The following CDK18 variants were observed in gnomAD, a reference collection of about 807,000 sequenced individuals.
CDK18 encodes cyclin-dependent kinase 18.
A neutral mutation model predicts 62.0 loss-of-function variants in CDK18; 52 were observed. The ratio of observed to expected loss-of-function variants is 0.84; its 90% CI spans 0.67 to 1.06. The LOEUF is 1.06. Among genes scored for constraint, CDK18 ranks in the 50% least tolerant of loss-of-function variants. The probability of loss-of-function intolerance (pLI) is 0.00; values close to 1 mark genes in which losing one functional copy is unlikely to be tolerated. For synonymous variants in CDK18, 237 were observed against 247.0 expected (o/e 0.96, Z 0.38); for missense variants, 604 against 619.9 (o/e 0.97, Z 0.27).
intron 1 of CDK18, among the ~76,000 whole-genome samples, chr1:205,514,223 G>A (rs1667710055): frequency 6.6e-6 from 1 of 152,228 alleles, no homozygotes; most frequent in Non-Finnish European, 1.5e-5. Flanking sequence ...TGGGGACAGT[G>A]GAGTTTCGGG....
intron 1 of CDK18, among the ~76,000 whole-genome samples, chr1:205,506,098 C>A (rs1667293551): frequency 6.6e-6 from 1 of 152,200 alleles, no homozygotes; most frequent in South Asian, 2.1e-4. Flanking sequence ...GGTGGACTGG[C>A]ACGTCCTCAG....
At position 205,525,187 on chromosome 1, in the gene CDK18, C is replaced by G; in HGVS notation, c.448C>G (p.Leu150Val). The G allele has an allele frequency of 6.2e-7, 1 of 1,610,050 alleles. No homozygotes were observed. Among genetic ancestry groups the G allele is most frequent in the East Asian group, 2.2e-5 (1 of 44,844 alleles). The change falls in exon 5 of 16, where the codon CTG becomes GTG. Residue 150 changes from leucine (L) to valine (V), a missense_variant. Coordinates refer to ENST00000429964, the MANE Select transcript of CDK18 (RefSeq NM_212502.3). ...GGAAACATACGTGAAACTGGACAAA[C>G]TGGGAGAGGTAAGACGCTGGGTTTG... ...KLETYVKLDKLGEGTYATVFK... is the reference protein window; with the variant it reads ...KLETYVKLDKVGEGTYATVFK...
intron 2 of CDK18, 60 bp downstream of exon 2, chr1:205,523,357 TCCCCTCCCCGCCCAC>T (rs1227858704): frequency 4.3e-6 from 7 of 1,609,440 alleles, no homozygotes; most frequent in Non-Finnish European, 3.4e-6. Context: ...CCAGTCACCT[TCCCCTCCCCGCCCAC>T]CCCCTCCCCA....
At chr1:205,520,571 G>A (rs767744360) in intron 1 of CDK18, among the ~76,000 whole-genome samples, 2 of 151,878 alleles carry the variant, frequency 1.3e-5, no homozygotes, top group Admixed American at 6.6e-5. Context: ...GTGGTGGCGC[G>A]GGCCTGTAAT....
rs147619411 is a variant in CDK18 at position 205,525,147 on chromosome 1, T to A, written c.408T>A (p.Ile136=). 2.5e-6 allele frequency: 4 copies of A among 1,607,946 alleles called. No homozygotes were observed. Among genetic ancestry groups the A allele is most frequent in the Non-Finnish European group, 3.4e-6 (4 of 1,175,592 alleles). ...RMSRRASLSD[I]GFGKLETYVK... ...ATGTCTCTCCCTCTCAGTCAGACATTGGCTTTGGGAAACTGGAAACATACG... is the reference window on the plus strand; with the variant it reads ...ATGTCTCTCCCTCTCAGTCAGACATAGGCTTTGGGAAACTGGAAACATACG... The change falls in exon 5 of 16, where the codon ATT becomes ATA. Residue 136 remains isoleucine, a synonymous_variant. Transcript: ENST00000429964.
chr1:205,527,743 C>G lies in CDK18; in HGVS notation c.730-51C>G. 6.3e-7 allele frequency: 1 copy of G among 1,596,900 alleles called. No homozygotes were observed. Among genetic ancestry groups the G allele is most frequent in the Non-Finnish European group, 8.6e-7 (1 of 1,168,620 alleles). The stretch of plus-strand genomic sequence containing the variant: ...CCCCATCCTGGTCCCAGCCTTGGAG[C>G]AGAGGCTCAGGGCCACCTTCCACCC... On this transcript the variant is annotated intron_variant, in intron 8 of 15. Transcript: ENST00000429964. The surrounding 1 kb of genome is among the most constrained non-coding windows in gnomAD (Gnocchi z 4.1).
chr1:205,523,423 TA>T, intron 2 of CDK18, 59 bp from the exon 3 acceptor site: 1 of 1,593,962 alleles, frequency 6.3e-7, no homozygotes, highest in Non-Finnish European at 8.6e-7. Context: ...GGAGGGGGGC[TA>T]CCCTTCTCTC....
intron 1 of CDK18, among the ~76,000 whole-genome samples, chr1:205,514,487 G>A (rs565650679): frequency 3.3e-5 from 5 of 152,306 alleles, no homozygotes; most frequent in Non-Finnish European, 7.3e-5. Context: ...TAGGACAGGA[G>A]ATGGCCTAAT....
rs11240507 is a variant in CDK18, at chr1:205,531,415, T to G, written c.*37T>G. 1.2e-6 allele frequency: 2 copies of G among 1,600,012 alleles called. No homozygotes were observed. The highest frequency in any genetic ancestry group is 1.7e-6 in the Non-Finnish European group (2 of 1,167,128). ...CTTGCTGTGGCCAAGGGACAAGAGATCACATGGAGCACAAATTCGGGTAGG... is the reference window on the plus strand; with the variant it reads ...CTTGCTGTGGCCAAGGGACAAGAGAGCACATGGAGCACAAATTCGGGTAGG... On this transcript the variant is annotated 3_prime_UTR_variant, in exon 16 of 16. Transcript: ENST00000429964.
chr1:205,511,450 A>G (rs1667561495), intron 1 of CDK18, among the ~76,000 whole-genome samples: 1 of 152,242 alleles, frequency 6.6e-6, no homozygotes, highest in Non-Finnish European at 1.5e-5. Flanking sequence ...CAGGCCTTGC[A>G]CTAAACTGCT....
Position 205,530,323 on chromosome 1 carries a change from G to A in CDK18, c.1286G>A (p.Gly429Glu). ...ALSHSYFRSLGERVHQLEDTA... is the reference protein window; with the variant it reads ...ALSHSYFRSLEERVHQLEDTA... ...AGTCACTCCTACTTCCGGTCTCTGG[G>A]AGAGCGTGTGCACCAGCTTGAAGAC... is the stretch of plus-strand genomic sequence containing the variant. The change falls in exon 14 of 16, where the codon GGA becomes GAA. Residue 429 changes from glycine to glutamate, a missense_variant. Transcript: ENST00000429964. The A allele has an allele frequency of 1.2e-6, 2 of 1,613,136 alleles. No homozygotes were observed. The highest frequency in any genetic ancestry group is 1.7e-6 in the Non-Finnish European group (2 of 1,180,032).
intron 6 of CDK18, 86 bp downstream of exon 6, chr1:205,526,265 G>T: frequency 6.9e-7 from 1 of 1,458,012 alleles, no homozygotes; most frequent in East Asian, 2.3e-5. Context: ...GCTGGGGGTA[G>T]AGGATCATTG....
chr1:205,523,788 A>C, intron 3 of CDK18, 163 bp downstream of exon 3: 1 of 871,878 alleles, frequency 1.1e-6, no homozygotes, highest in Non-Finnish European at 1.7e-6. Context: ...TCTGTGCACC[A>C]TGGTCTCCTT....
intron 1 of CDK18, among the ~76,000 whole-genome samples, chr1:205,515,204 T>G: frequency 7.9e-6 from 1 of 126,266 alleles, no homozygotes; most frequent in Non-Finnish European, 1.6e-5. Flanking sequence ...TGAGATGGAG[T>G]CTCGCTGCAA....
chr1:205,529,661 G>A, intron 13 of CDK18, 98 bp downstream of exon 13: 1 of 1,595,664 alleles, frequency 6.3e-7, no homozygotes, highest in Non-Finnish European at 8.5e-7. Flanking sequence ...TGGCTCGTGT[G>A]CTTACACGTC....
chr1:205,513,619 G>A (rs1363696385), intron 1 of CDK18, among the ~76,000 whole-genome samples: 1 of 152,188 alleles, frequency 6.6e-6, no homozygotes, highest in African/African-American at 2.4e-5. Flanking sequence ...GTCAGAAAGG[G>A]TCATCTGTAG....
chr1:205,514,376 C>T (rs1013610122), intron 1 of CDK18, among the ~76,000 whole-genome samples: 2 of 151,974 alleles, frequency 1.3e-5, no homozygotes, highest in African/African-American at 4.8e-5. Flanking sequence ...GAAGCATGCC[C>T]CGGGGAGTCT....
At chr1:205,524,388 G>A in intron 4 of CDK18, 31 bp downstream of exon 4, 1 of 1,613,508 alleles carries the variant, frequency 6.2e-7, no homozygotes, top group East Asian at 2.2e-5. Context: ...AGGACACAAG[G>A]TGGGGTGATA....
In CDK18 at chr1:205,528,762, T is replaced by C; in HGVS notation, c.975-237T>C. 1 of 465,434 alleles carries C rather than the reference T, an allele frequency of 2.1e-6. No homozygotes were observed. Among genetic ancestry groups the C allele is most frequent in the Non-Finnish European group, 3.8e-6 (1 of 262,350 alleles). 28.8% of individuals were successfully genotyped at this position (465,434 alleles called of 1,614,324 possible). Reference sequence around the variant, plus strand: ...CAAACCTCACAGAGTGAAAGGGGACTTTCCTCACAGAGTGAAAGTCGCAGC... The same window carrying C: ...CAAACCTCACAGAGTGAAAGGGGACCTTCCTCACAGAGTGAAAGTCGCAGC... On this transcript the variant is annotated intron_variant, in intron 10 of 15. Coordinates refer to ENST00000429964, the MANE Select transcript of CDK18 (RefSeq NM_212502.3). This position sits in a 1 kb window ranked among gnomAD's most constrained non-coding sequence, Gnocchi z 4.2.
Sources: gnomAD v4.1 joint callset for allele counts (sites outside exome capture counted in the v4.1 genomes callset) on GRCh38, gnomAD v4.1.1 for gene constraint, Gnocchi (gnomAD v3.1) non-coding constraint, MANE v1.5 for transcripts, NCBI Gene and HGNC (gene_info 2026-07-23, HGNC 2026-07-21) for gene names.